Variants in RBFOX1 observed in about 807,000 individuals in gnomAD.
RBFOX1 encodes RNA binding fox-1 homolog 1.
In RBFOX1, 8 loss-of-function variants were observed where a neutral mutation model predicts 57.7. The observed-to-expected ratio is 0.14, with a 90% CI of 0.08 to 0.25. The LOEUF (loss-of-function observed/expected upper bound fraction) is 0.25, where lower values mean the gene tolerates loss of function less well. Among genes scored for constraint, RBFOX1 ranks in the 10% least tolerant of loss-of-function variants. The probability of loss-of-function intolerance (pLI) is 1.00; values close to 1 mark genes in which losing one functional copy is unlikely to be tolerated. For synonymous variants in RBFOX1, 326 were observed against 222.4 expected (o/e 1.47, Z -4.15); for missense variants, 611 against 548.5 (o/e 1.11, Z -1.14).
intron 3 of RBFOX1, among the ~76,000 whole-genome samples, chr16:6,872,257 A>G (rs1169770478): frequency 1.3e-5 from 2 of 152,180 alleles, no homozygotes; most frequent in African/African-American, 4.8e-5. Context: ...GTGTAAATGA[A>G]TAAAACACAT....
intron 2 of RBFOX1, among the ~76,000 whole-genome samples, chr16:6,469,761 C>T (rs760371850): frequency 1.6e-4 from 25 of 152,146 alleles, no homozygotes; most frequent in Non-Finnish European, 2.5e-4. Flanking sequence ...GAGCTTCCTG[C>T]AAAAGGAATA....
intron 3 of RBFOX1, among the ~76,000 whole-genome samples, chr16:6,889,246 C>T (rs763007669): frequency 6.6e-6 from 1 of 152,204 alleles, no homozygotes; most frequent in Non-Finnish European, 1.5e-5. Flanking sequence ...TCTCCCACCC[C>T]ATTCTTGCCC....
chr16:7,556,047 A>G (rs2088342473), intron 5 of RBFOX1, among the ~76,000 whole-genome samples: 1 of 152,204 alleles, frequency 6.6e-6, no homozygotes, highest in Admixed American at 6.5e-5. Context: ...TAAATATTAA[A>G]TTTTATACTA....
chr16:7,510,511 GGGCGCGCGC>G (rs1567589218), intron 4 of RBFOX1, among the ~76,000 whole-genome samples: 8 of 150,018 alleles, frequency 5.3e-5, no homozygotes, highest in Non-Finnish European at 7.4e-5. Context: ...GTGTGTGTGT[GGGCGCGCGC>G]GCACGCGCGC....
At chr16:5,858,390 G>A (rs889133093) in intron 3 of RBFOX1, among the ~76,000 whole-genome samples, 1 of 152,180 alleles carries the variant, frequency 6.6e-6, no homozygotes, top group African/African-American at 2.4e-5. Flanking sequence ...CAGACTCCCT[G>A]TAAACCGGCA....
chr16:6,383,233 T>C (rs2091972932), intron 2 of RBFOX1, among the ~76,000 whole-genome samples: 1 of 152,254 alleles, frequency 6.6e-6, no homozygotes, highest in South Asian at 2.1e-4. Context: ...ATGAAATAGA[T>C]ATCAAATCTG....
chr16:6,149,209 A>ATG (rs1054482420), intron 1 of RBFOX1, among the ~76,000 whole-genome samples: 4 of 152,146 alleles, frequency 2.6e-5, no homozygotes, highest in East Asian at 1.9e-4. Context: ...TTGTGTGTGT[A>ATG]TGTGTGTGTG....
chr16:7,329,432 C>A (rs549149574), intron 4 of RBFOX1, among the ~76,000 whole-genome samples: 2 of 152,188 alleles, frequency 1.3e-5, no homozygotes, highest in Non-Finnish European at 2.9e-5. Context: ...TGGAAAGACA[C>A]ACGACATAGT....
intron 4 of RBFOX1, among the ~76,000 whole-genome samples, chr16:7,234,600 G>GTA (rs2093674857): frequency 6.6e-6 from 1 of 150,616 alleles, no homozygotes; most frequent in African/African-American, 2.4e-5. Flanking sequence ...GTGTGTGTGT[G>GTA]TGTGTGTGTA....
intron 4 of RBFOX1, among the ~76,000 whole-genome samples, chr16:7,501,210 TA>T (rs939737366): frequency 2.0e-5 from 3 of 152,222 alleles, no homozygotes; most frequent in African/African-American, 7.2e-5. Context: ...CCTATTTACC[TA>T]AAGTGACTAC....
At chr16:7,238,327 TA>T (rs71147675) in intron 4 of RBFOX1, among the ~76,000 whole-genome samples, 47,157 of 131,206 alleles carry the variant, frequency 0.36, 8,112 homozygotes, top group Middle Eastern at 0.53. Context: ...CTTAAAATGG[TA>T]AAAAAAAAAT....
intron 2 of RBFOX1, among the ~76,000 whole-genome samples, chr16:6,615,691 C>T (rs2098131750): frequency 6.6e-6 from 1 of 152,140 alleles, no homozygotes; most frequent in African/African-American, 2.4e-5. Context: ...TTTCCCTCTC[C>T]AGGAGAACAT....
At chr16:6,758,383 A>G (rs565724216) in intron 3 of RBFOX1, among the ~76,000 whole-genome samples, 1 of 152,122 alleles carries the variant, frequency 6.6e-6, no homozygotes, top group Non-Finnish European at 1.5e-5. Flanking sequence ...TGTTCAAGAG[A>G]TTAACCAGAC....
At chr16:7,709,358 C>G in intron 15 of RBFOX1, 1 of 1,059,200 alleles carries the variant, frequency 9.4e-7, no homozygotes, top group African/African-American at 1.6e-5. Flanking sequence ...TTTTGCAAGT[C>G]TCACCTAGCA....
chr16:5,827,089 A>G (rs932035397), intron 3 of RBFOX1, among the ~76,000 whole-genome samples: 1 of 152,144 alleles, frequency 6.6e-6, no homozygotes, highest in Non-Finnish European at 1.5e-5. Flanking sequence ...TCTTTCACAC[A>G]TGAGACCCTC....
intron 4 of RBFOX1, among the ~76,000 whole-genome samples, chr16:5,902,743 T>C (rs986805706): frequency 1.3e-5 from 2 of 152,060 alleles, no homozygotes; most frequent in Admixed American, 6.6e-5. Context: ...ACAAGAAGCC[T>C]TCATCAATCT....
intron 4 of RBFOX1, among the ~76,000 whole-genome samples, chr16:7,088,631 GA>G (rs1252983468): frequency 1.3e-5 from 2 of 151,548 alleles, no homozygotes; most frequent in African/African-American, 4.8e-5. Context: ...CTTGAAGCAA[GA>G]AAAAAATAGT....
chr16:5,722,217 C>G (rs928839551), intron 3 of RBFOX1, among the ~76,000 whole-genome samples: 1 of 152,068 alleles, frequency 6.6e-6, no homozygotes. Context: ...TAACTGTTGT[C>G]GTTATTGTTT....
At chr16:6,997,302 A>C (rs574993575) in intron 3 of RBFOX1, among the ~76,000 whole-genome samples, 1 of 152,136 alleles carries the variant, frequency 6.6e-6, no homozygotes, top group Admixed American at 6.5e-5. Flanking sequence ...ACATGTTTAT[A>C]TTTGTTAAAA....
Sources: gnomAD v4.1 joint callset for allele counts (sites outside exome capture counted in the v4.1 genomes callset) on GRCh38, gnomAD v4.1.1 for gene constraint, MANE v1.5 for transcripts, NCBI Gene and HGNC (gene_info 2026-07-23, HGNC 2026-07-21) for gene names.